LMO7: variants seen among roughly 807,000 people sequenced by gnomAD.
The protein encoded by LMO7 is LIM domain only protein 7.
A neutral mutation model predicts 206.5 loss-of-function variants in LMO7; 120 were observed. The ratio of observed to expected loss-of-function variants is 0.58; its 90% CI spans 0.50 to 0.68. LMO7 has a LOEUF of 0.68. LMO7 is among the 30% of genes least tolerant of loss of function. The pLI, the probability that LMO7 is intolerant of heterozygous loss-of-function variation, is 0.00. For missense variants in LMO7, 1,959 were observed against 1,957.9 expected (o/e 1.00, Z -0.01); for synonymous variants, 706 against 681.5 (o/e 1.04, Z -0.56).
intron 3 of LMO7, among the ~76,000 whole-genome samples, chr13:75,737,731 C>A (rs9600538): frequency 0.012 from 1,246 of 100,850 alleles, 25 homozygotes; most frequent in African/African-American, 0.046. Flanking sequence ...CCAGCCTGGG[C>A]GACAGAGCGA....
intron 1 of LMO7, among the ~76,000 whole-genome samples, chr13:75,637,150 C>G (rs1296071137): frequency 8.1e-5 from 10 of 123,300 alleles, no homozygotes; most frequent in African/African-American, 2.5e-4. Flanking sequence ...CACCTTATAC[C>G]TGAGAAGCCA....
chr13:75,760,896 C>A, intron 3 of LMO7, 36 bp from the exon 4 acceptor site: 1 of 1,611,128 alleles, frequency 6.2e-7, no homozygotes, highest in Non-Finnish European at 8.5e-7. Flanking sequence ...TGAGAGAGAG[C>A]TCAGCTAAGC....
intron 1 of LMO7, among the ~76,000 whole-genome samples, chr13:75,653,735 A>T (rs1381906594): frequency 6.6e-6 from 1 of 152,238 alleles, no homozygotes; most frequent in East Asian, 1.9e-4. Context: ...AATACATTAC[A>T]GGTCTATAAT....
At chr13:75,664,574 A>C (rs570321883) in intron 1 of LMO7, among the ~76,000 whole-genome samples, 2 of 152,248 alleles carry the variant, frequency 1.3e-5, no homozygotes, top group South Asian at 2.1e-4. Flanking sequence ...TAAGGTAGCT[A>C]GCTCTGTTTT....
At chr13:75,693,279 T>C (rs2041636722) in intron 1 of LMO7, among the ~76,000 whole-genome samples, 1 of 152,266 alleles carries the variant, frequency 6.6e-6, no homozygotes, top group African/African-American at 2.4e-5. Flanking sequence ...GATAAATGTA[T>C]AAATACAGAT....
At chr13:75,784,360 A>G (rs954720519) in intron 4 of LMO7, among the ~76,000 whole-genome samples, 1 of 152,192 alleles carries the variant, frequency 6.6e-6, no homozygotes, top group African/African-American at 2.4e-5. Context: ...GGCAATATTT[A>G]GGACTAGAGT....
intron 2 of LMO7, among the ~76,000 whole-genome samples, chr13:75,626,595 A>ATATATATATATATATATATATT: frequency 4.2e-5 from 3 of 71,092 alleles, no homozygotes; most frequent in Admixed American, 1.5e-4. Flanking sequence ...ATATATATAA[A>ATATATATATATATATATATATT]TTTTTTTGAG....
intron 3 of LMO7, among the ~76,000 whole-genome samples, chr13:75,741,364 T>C (rs188379466): frequency 8.5e-5 from 13 of 152,362 alleles, no homozygotes; most frequent in Admixed American, 5.9e-4. Context: ...TCTACTTGTG[T>C]AAGAATTTAT....
At chr13:75,843,148 G>A (rs2059686950) in intron 25 of LMO7, among the ~76,000 whole-genome samples, 1 of 152,168 alleles carries the variant, frequency 6.6e-6, no homozygotes, top group South Asian at 2.1e-4. Flanking sequence ...GATCTCCCTT[G>A]GGCAGCCTTT....
rs762767666 is a variant in LMO7 at position 75,819,460 on chromosome 13, G to C, written c.2132G>C (p.Arg711Thr). The change falls in exon 13 of 31, where the codon AGA becomes ACA. Residue 711 changes from arginine (R) to threonine (T), a missense_variant. Transcript: ENST00000377534. ...GATCTGCAGAAGAAAAAAGAAGAGA[G>C]AGAAGAAATTGAAAAGCAGGCACTT... Reference protein sequence around the residue: ...TSDLQKKKEEREEIEKQALEK... With the variant: ...TSDLQKKKEETEEIEKQALEK... 1 of 1,613,314 alleles carries C rather than the reference G, an allele frequency of 6.2e-7. No individual in the cohort carries two copies. Among genetic ancestry groups the C allele is most frequent in the Non-Finnish European group, 8.5e-7 (1 of 1,179,818 alleles).
chr13:75,696,969 T>G (rs1466986540), intron 1 of LMO7, among the ~76,000 whole-genome samples: 1 of 152,092 alleles, frequency 6.6e-6, no homozygotes, highest in African/African-American at 2.4e-5. Context: ...AGGAAGCTGG[T>G]GATCCACATT....
intron 3 of LMO7, among the ~76,000 whole-genome samples, chr13:75,757,701 C>T (rs765993110): frequency 1.1e-4 from 16 of 151,896 alleles, no homozygotes; most frequent in Admixed American, 6.6e-5. Context: ...ATTTTAGAAC[C>T]TTTAATTTGT....
At chr13:75,831,934 T>G (rs1026316484) in intron 15 of LMO7, among the ~76,000 whole-genome samples, 1 of 152,210 alleles carries the variant, frequency 6.6e-6, no homozygotes, top group African/African-American at 2.4e-5. Context: ...GTTTTAAACC[T>G]GTTTTATGGG....
intron 11 of LMO7, among the ~76,000 whole-genome samples, chr13:75,815,093 A>G (rs1293895473): frequency 6.6e-6 from 1 of 151,900 alleles, no homozygotes; most frequent in Non-Finnish European, 1.5e-5. Flanking sequence ...TCTGAAAGGA[A>G]CTCTCTGGCT....
intron 2 of LMO7, among the ~76,000 whole-genome samples, chr13:75,714,041 C>G (rs1163775549): frequency 6.6e-6 from 1 of 152,184 alleles, no homozygotes; most frequent in African/African-American, 2.4e-5. Context: ...TTATTTCAAT[C>G]TAGACACTTA....
chr13:75,856,687 G>C (rs2060988774), intron 30 of LMO7, 79 bp downstream of exon 30: 1 of 823,756 alleles, frequency 1.2e-6, no homozygotes, highest in South Asian at 1.3e-5. Flanking sequence ...TGAACCTGCA[G>C]CGAGCTCCCC....
In LMO7 at chr13:75,859,224, A is replaced by G. The variant is rs2139842389; in HGVS notation, c.*1281A>G. The G allele has an allele frequency of 6.6e-6, 1 of 152,316 alleles. No individual in the cohort carries two copies. The highest frequency in any genetic ancestry group is 2.1e-4 in the South Asian group (1 of 4,830). 9.4% of individuals were successfully genotyped at this position (152,316 alleles called of 1,614,324 possible). ...TATTGGAATAGGTTCAAAATATGTA[A>G]GAAATGCTAATGTGGGAGATAAAAA... On this transcript the variant is annotated 3_prime_UTR_variant, in exon 31 of 31. Coordinates refer to ENST00000377534, the MANE Select transcript of LMO7 (RefSeq NM_001306080.2).
intron 4 of LMO7, among the ~76,000 whole-genome samples, chr13:75,766,028 A>C (rs1214142759): frequency 6.6e-6 from 1 of 152,278 alleles, no homozygotes; most frequent in East Asian, 1.9e-4. Context: ...AGCAGTTGAC[A>C]TGAGTCCCTT....
At chr13:75,746,875 C>A (rs2046884068) in intron 3 of LMO7, among the ~76,000 whole-genome samples, 1 of 151,902 alleles carries the variant, frequency 6.6e-6, no homozygotes, top group Admixed American at 6.6e-5. Flanking sequence ...GTTGAGTAAA[C>A]ATGCTCAATT....
Sources: allele counts gnomAD v4.1 joint callset (sites outside exome capture counted in the v4.1 genomes callset), GRCh38; gene constraint gnomAD v4.1.1; transcripts MANE v1.5; gene names NCBI Gene and HGNC (gene_info 2026-07-23, HGNC 2026-07-21).